Variants in DENND1A observed in about 807,000 individuals in gnomAD.
The protein encoded by DENND1A is DENN domain-containing protein 1A.
A neutral mutation model predicts 113.7 loss-of-function variants in DENND1A; 51 were observed. The ratio of observed to expected loss-of-function variants is 0.45; its 90% confidence interval spans 0.36 to 0.57. DENND1A has a LOEUF of 0.57. DENND1A is among the 20% of genes least tolerant of loss of function. The pLI, the probability that DENND1A is intolerant of heterozygous loss-of-function variation, is 0.00. For missense variants in DENND1A, 1,258 were observed against 1,395.9 expected, an observed-to-expected ratio of 0.90 and a Z score of 1.57; for synonymous variants, 565 against 570.8, an observed-to-expected ratio of 0.99 and a Z score of 0.14.
chr9:123,767,238 G>C (rs1330738613), intron 4 of DENND1A, among the ~76,000 whole-genome samples: 1 of 152,018 alleles, frequency 6.6e-6, no homozygotes, highest in Non-Finnish European at 1.5e-5. Context: ...AGAGGTGGGG[G>C]AACAGAAAGA....
intron 5 of DENND1A, among the ~76,000 whole-genome samples, chr9:123,681,680 C>T (rs10986088): frequency 0.47 from 71,621 of 151,952 alleles, 19,250 homozygotes; most frequent in African/African-American, 0.74. Flanking sequence ...GTTCAGTAGA[C>T]AGGTAGGAAA....
intron 1 of DENND1A, among the ~76,000 whole-genome samples, chr9:123,902,121 T>A (rs1426254069): frequency 2.6e-5 from 4 of 151,632 alleles, no homozygotes; most frequent in Non-Finnish European, 5.9e-5. Context: ...GTCTTCCACC[T>A]TCAGTCATTT....
intron 13 of DENND1A, among the ~76,000 whole-genome samples, chr9:123,543,028 C>T (rs930186366): frequency 3.9e-5 from 6 of 152,212 alleles, no homozygotes; most frequent in African/African-American, 7.2e-5. Flanking sequence ...CTGGGAAAGC[C>T]GAATGGCGGC....
At chr9:123,843,341 G>A (rs768102821) in intron 2 of DENND1A, 2 of 357,892 alleles carry the variant, frequency 5.6e-6, no homozygotes, top group Non-Finnish European at 1.1e-5. Context: ...TCTATATGGA[G>A]CTAAAAGAGT....
At chr9:123,575,758 T>A (rs2058602066) in intron 12 of DENND1A, among the ~76,000 whole-genome samples, 1 of 152,256 alleles carries the variant, frequency 6.6e-6, no homozygotes, top group Non-Finnish European at 1.5e-5. Flanking sequence ...TTTGGTATAC[T>A]TGTATAAGGA....
intron 2 of DENND1A, among the ~76,000 whole-genome samples, chr9:123,809,976 A>C (rs1032409155): frequency 6.6e-6 from 1 of 152,148 alleles, no homozygotes; most frequent in Non-Finnish European, 1.5e-5. Flanking sequence ...TCTGGTCAAC[A>C]ATGAGAATTT....
At chr9:123,542,401 G>A (rs915034183) in intron 13 of DENND1A, among the ~76,000 whole-genome samples, 6 of 152,098 alleles carry the variant, frequency 3.9e-5, no homozygotes, top group Non-Finnish European at 7.3e-5. Flanking sequence ...CAAGTCAAGG[G>A]GTCTTTCACT....
At chr9:123,415,920 G>A (rs1237130627) in intron 19 of DENND1A, among the ~76,000 whole-genome samples, 1 of 152,146 alleles carries the variant, frequency 6.6e-6, no homozygotes, top group East Asian at 1.9e-4. Context: ...GGGAAGAGTA[G>A]TCTGGAGACC....
intron 2 of DENND1A, among the ~76,000 whole-genome samples, chr9:123,846,662 CAG>C (rs760804373): frequency 3.3e-5 from 5 of 151,906 alleles, no homozygotes; most frequent in Non-Finnish European, 5.9e-5. Flanking sequence ...TTCATAGAGA[CAG>C]AAAATAGGAT....
intron 5 of DENND1A, among the ~76,000 whole-genome samples, chr9:123,689,698 G>C (rs2065041088): frequency 6.6e-6 from 1 of 152,042 alleles, no homozygotes; most frequent in African/African-American, 2.4e-5. Flanking sequence ...GGCCAGGTGT[G>C]GTGGCTCACG....
intron 2 of DENND1A, among the ~76,000 whole-genome samples, chr9:123,804,454 C>G (rs893854401): frequency 6.6e-6 from 1 of 152,206 alleles, no homozygotes; most frequent in South Asian, 2.1e-4. Context: ...TCTGCAGGCT[C>G]CTTGCTGATC....
At chr9:123,401,458 GA>G in intron 21 of DENND1A, 4 of 1,107,886 alleles carry the variant, frequency 3.6e-6, no homozygotes, top group Non-Finnish European at 4.4e-6. Context: ...AACGTGAACA[GA>G]AACCCTTGGA....
At chr9:123,435,013 GAGA>G (rs1017952883) in intron 19 of DENND1A, among the ~76,000 whole-genome samples, 1 of 152,332 alleles carries the variant, frequency 6.6e-6, no homozygotes, top group Non-Finnish European at 1.5e-5. Flanking sequence ...AGGATCTGGG[GAGA>G]AGGAGGGCGG....
At chr9:123,539,733 A>AT (rs1464367994) in intron 13 of DENND1A, among the ~76,000 whole-genome samples, 22 of 152,070 alleles carry the variant, frequency 1.4e-4, no homozygotes, top group Admixed American at 1.2e-3. Context: ...AATACAAAAA[A>AT]TTAGCCGGGC....
At chr9:123,917,782 C>T (rs1303072420) in intron 1 of DENND1A, among the ~76,000 whole-genome samples, 4 of 152,028 alleles carry the variant, frequency 2.6e-5, no homozygotes, top group Admixed American at 1.3e-4. Context: ...CTGGGACACT[C>T]TGTCATACCA....
At chr9:123,418,492 G>A (rs536366208) in intron 19 of DENND1A, among the ~76,000 whole-genome samples, 5 of 152,244 alleles carry the variant, frequency 3.3e-5, no homozygotes, top group African/African-American at 1.2e-4. Flanking sequence ...AGGCGCGTTG[G>A]AATAGCAACT....
intron 13 of DENND1A, among the ~76,000 whole-genome samples, chr9:123,468,501 T>A (rs2049135115): frequency 6.6e-6 from 1 of 152,166 alleles, no homozygotes; most frequent in African/African-American, 2.4e-5. Flanking sequence ...AGCTGGGGAA[T>A]TTGGCCCTAT....
intron 5 of DENND1A, among the ~76,000 whole-genome samples, chr9:123,711,422 C>T (rs1249333338): frequency 4.8e-5 from 7 of 146,804 alleles, no homozygotes; most frequent in East Asian, 4.0e-4. Context: ...GCCAAGATCA[C>T]GCCACTGCAC....
At chr9:123,809,320 T>G (rs911365460) in intron 2 of DENND1A, among the ~76,000 whole-genome samples, 1 of 152,192 alleles carries the variant, frequency 6.6e-6, no homozygotes, top group African/African-American at 2.4e-5. Flanking sequence ...GCATGAATCT[T>G]AAAATGTTGG....
Sources: allele counts gnomAD v4.1 joint callset (sites outside exome capture counted in the v4.1 genomes callset), GRCh38; gene constraint gnomAD v4.1.1; transcripts MANE v1.5; gene names NCBI Gene and HGNC (gene_info 2026-07-23, HGNC 2026-07-21).